The following LINGO2 variants were observed in gnomAD, a reference collection of about 807,000 sequenced individuals.
LINGO2 encodes the protein leucine-rich repeat and immunoglobulin-like domain-containing nogo receptor-interacting protein 2.
In LINGO2, 14 loss-of-function variants were observed where a neutral mutation model predicts 30.6. The ratio of observed to expected loss-of-function variants is 0.46; its 90% CI spans 0.30 to 0.72. The LOEUF is 0.72. LINGO2 is among the 30% of genes least tolerant of loss of function. LINGO2 has a pLI of 0.07. For synonymous variants in LINGO2, 317 were observed against 288.5 expected (o/e 1.10, Z -1.00); for missense variants, 729 against 751.7 (o/e 0.97, Z 0.35).
intron 1 of LINGO2, among the ~76,000 whole-genome samples, chr9:28,544,338 G>A (rs1447518089): frequency 1.3e-5 from 2 of 152,108 alleles, no homozygotes; most frequent in Non-Finnish European, 2.9e-5. Context: ...AAAAACTACT[G>A]TATCTGGAAA....
the LINGO2 span, among the ~76,000 whole-genome samples, chr9:29,033,378 CTATA>C: frequency 1.1e-4 from 16 of 140,846 alleles, no homozygotes; most frequent in Non-Finnish European, 1.7e-4. Flanking sequence ...AACTGCTTTA[CTATA>C]TATATATATA....
chr9:28,009,867 G>A (rs571635681), intron 5 of LINGO2, among the ~76,000 whole-genome samples: 1 of 152,200 alleles, frequency 6.6e-6, no homozygotes, highest in Non-Finnish European at 1.5e-5. Context: ...TTCTACTCCT[G>A]GGTACATACT....
At chr9:28,453,854 G>C (rs1261149984) in intron 2 of LINGO2, among the ~76,000 whole-genome samples, 1 of 151,646 alleles carries the variant, frequency 6.6e-6, no homozygotes, top group Non-Finnish European at 1.5e-5. Flanking sequence ...TTGTTTTTCT[G>C]ATTAGTGGTT....
chr9:28,413,626 T>A (rs1822856793), intron 2 of LINGO2, among the ~76,000 whole-genome samples: 1 of 152,066 alleles, frequency 6.6e-6, no homozygotes, highest in Non-Finnish European at 1.5e-5. Flanking sequence ...GGTACCACAA[T>A]GGCTTTCCAG....
the LINGO2 span, among the ~76,000 whole-genome samples, chr9:29,028,424 G>GA: frequency 6.9e-5 from 6 of 87,034 alleles, no homozygotes; most frequent in East Asian, 3.5e-4. Context: ...GTGTGTGGGG[G>GA]GGGGTGAGAG....
chr9:28,170,143 A>G (rs1828541875), intron 4 of LINGO2, among the ~76,000 whole-genome samples: 1 of 152,208 alleles, frequency 6.6e-6, no homozygotes, highest in African/African-American at 2.4e-5. Flanking sequence ...TTGAATATGT[A>G]TATTTGAATG....
chr9:28,055,674 A>G (rs1167898249), intron 4 of LINGO2, among the ~76,000 whole-genome samples: 2 of 152,178 alleles, frequency 1.3e-5, no homozygotes, highest in Admixed American at 6.6e-5. Context: ...AGATTGTCAA[A>G]AAACAAAATG....
the LINGO2 span, among the ~76,000 whole-genome samples, chr9:29,110,635 C>A: frequency 6.8e-6 from 1 of 147,580 alleles, no homozygotes. Context: ...CGCCCGGCCA[C>A]AGCTACAGTT....
At chr9:28,664,107 G>C (rs540925612) in intron 1 of LINGO2, among the ~76,000 whole-genome samples, 1 of 152,112 alleles carries the variant, frequency 6.6e-6, no homozygotes, top group South Asian at 2.1e-4. Flanking sequence ...GATTTGGGAT[G>C]GTATTATAAG....
chr9:28,311,921 C>A lies in LINGO2; in HGVS notation c.-245-16555G>T, dbSNP rs1337644020. 2.6e-5 allele frequency among the ~76,000 whole-genome samples: 4 copies of A among 152,108 alleles called. No homozygotes were observed. The East Asian group carries it at 7.7e-4, about 29-fold the overall frequency. On this transcript the variant is annotated intron_variant, in intron 3 of 5. Transcript: ENST00000379992. ...AATCTTCACAATTTATATTCAGAGA[C>A]TGCAGTAAAGACAGGCGTAAGAAAT...
chr9:28,502,537 C>A (rs1442921929), intron 1 of LINGO2, among the ~76,000 whole-genome samples: 1 of 152,038 alleles, frequency 6.6e-6, no homozygotes, highest in Admixed American at 6.6e-5. Flanking sequence ...ACATATTTAT[C>A]ATTTTAGCCG....
At chr9:28,722,931 C>T in the LINGO2 span, among the ~76,000 whole-genome samples, 1 of 152,098 alleles carries the variant, frequency 6.6e-6, no homozygotes, top group South Asian at 2.1e-4. Flanking sequence ...GGCTGCTTAT[C>T]ACATGATGCT....
the LINGO2 span, among the ~76,000 whole-genome samples, chr9:29,042,389 T>C: frequency 6.6e-6 from 1 of 151,972 alleles, no homozygotes. Context: ...AAAACCTGTA[T>C]ATGAATGTTC....
chr9:28,708,963 A>G, the LINGO2 span, among the ~76,000 whole-genome samples: 1 of 152,136 alleles, frequency 6.6e-6, no homozygotes, highest in African/African-American at 2.4e-5. Flanking sequence ...AATTGATAAT[A>G]ATGACTATCA....
chr9:28,298,133 T>G (rs996514779), intron 3 of LINGO2, among the ~76,000 whole-genome samples: 2 of 152,178 alleles, frequency 1.3e-5, no homozygotes, highest in Admixed American at 6.5e-5. Flanking sequence ...CAAATAATTT[T>G]TCACTTATCT....
chr9:28,802,241 C>A, the LINGO2 span, among the ~76,000 whole-genome samples: 1 of 151,850 alleles, frequency 6.6e-6, no homozygotes, highest in East Asian at 1.9e-4. Context: ...TTAATCAAGA[C>A]AAAATAATTT....
At chr9:28,972,940 C>T in the LINGO2 span, among the ~76,000 whole-genome samples, 1,095 of 152,146 alleles carry the variant, frequency 7.2e-3, 21 homozygotes, top group African/African-American at 0.025. Flanking sequence ...ATTATGAGAG[C>T]TGCAATTCAA....
intron 2 of LINGO2, among the ~76,000 whole-genome samples, chr9:28,418,198 A>T (rs1823046289): frequency 6.6e-6 from 1 of 152,092 alleles, no homozygotes; most frequent in Non-Finnish European, 1.5e-5. Context: ...CTGAATATTT[A>T]AGAATCCAAA....
At chr9:28,882,020 C>G in the LINGO2 span, among the ~76,000 whole-genome samples, 2 of 152,146 alleles carry the variant, frequency 1.3e-5, no homozygotes, top group Non-Finnish European at 2.9e-5. Flanking sequence ...CATTTTAAAT[C>G]TGAAGCACAC....
Sources: allele counts gnomAD v4.1 joint callset (sites outside exome capture counted in the v4.1 genomes callset), GRCh38; gene constraint gnomAD v4.1.1; transcripts MANE v1.5; gene names NCBI Gene and HGNC (gene_info 2026-07-23, HGNC 2026-07-21).